IL1RAPL1: variants seen among roughly 807,000 people sequenced by gnomAD.
IL1RAPL1 encodes the protein interleukin-1 receptor accessory protein-like 1.
Under a neutral mutation model 48.4 loss-of-function variants are expected in IL1RAPL1, and 3 were observed. The ratio of observed to expected loss-of-function variants is 0.06; its 90% CI spans 0.03 to 0.16. IL1RAPL1 has a LOEUF of 0.16. Ranked by LOEUF, IL1RAPL1 falls within the 10% of genes least tolerant of loss-of-function variation. IL1RAPL1 has a pLI of 1.00. For synonymous variants in IL1RAPL1, 185 were observed against 187.7 expected, an observed-to-expected ratio of 0.99 and a Z score of 0.12; for missense variants, 349 against 530.6, an observed-to-expected ratio of 0.66 and a Z score of 3.36.
chrX:29,555,119 C>T (rs1023320183), intron 5 of IL1RAPL1, among the ~76,000 whole-genome samples: 1 of 112,489 alleles, frequency 8.9e-6, no homozygotes, highest in African/African-American at 3.2e-5. Flanking sequence ...ACAGCTTTTC[C>T]CATTAATTCA....
intron 3 of IL1RAPL1, among the ~76,000 whole-genome samples, chrX:29,323,734 TATATATA>T (rs1932822894): frequency 1.2e-4 from 1 of 8,296 alleles, no homozygotes; most frequent in Non-Finnish European, 2.0e-4. Flanking sequence ...TATATATATA[TATATATA>T]TATATATATA....
chrX:29,929,261 TA>T (rs200405840), intron 8 of IL1RAPL1, among the ~76,000 whole-genome samples: 7 of 110,186 alleles, frequency 6.4e-5, no homozygotes, highest in East Asian at 2.8e-4. Flanking sequence ...TGAACTGTGA[TA>T]AAAAAAAATG....
intron 1 of IL1RAPL1, among the ~76,000 whole-genome samples, chrX:28,690,664 A>G (rs148859025): frequency 0.011 from 1,203 of 111,542 alleles, 8 homozygotes; most frequent in Non-Finnish European, 0.017. Context: ...CAGCATGTCA[A>G]GGTGGCAACA....
At chrX:29,439,405 C>T (rs1385433489) in intron 5 of IL1RAPL1, among the ~76,000 whole-genome samples, 1 of 111,766 alleles carries the variant, frequency 8.9e-6, no homozygotes, top group Non-Finnish European at 1.9e-5. Context: ...TACCTGTATT[C>T]CATTGTCCAA....
chrX:29,279,750 A>G (rs1047436370), intron 2 of IL1RAPL1, among the ~76,000 whole-genome samples: 1 of 112,040 alleles, frequency 8.9e-6, no homozygotes, highest in African/African-American at 3.2e-5. Context: ...GAATAAGAGT[A>G]ATTTTCAGGA....
chrX:29,545,333 T>A (rs951513069), intron 5 of IL1RAPL1, among the ~76,000 whole-genome samples: 4 of 111,225 alleles, frequency 3.6e-5, no homozygotes, highest in Admixed American at 9.6e-5. Flanking sequence ...CAGTGTATAG[T>A]TTGTTATTAT....
intron 5 of IL1RAPL1, among the ~76,000 whole-genome samples, chrX:29,505,008 T>C (rs887666222): frequency 3.6e-5 from 4 of 111,642 alleles, no homozygotes; most frequent in African/African-American, 1.3e-4. Context: ...TATTATTGGT[T>C]TTTGCTTTAT....
chrX:29,647,505 A>G (rs1252031794), intron 5 of IL1RAPL1, among the ~76,000 whole-genome samples: 2 of 111,952 alleles, frequency 1.8e-5, no homozygotes, highest in Non-Finnish European at 3.8e-5. Context: ...TGTGACATCA[A>G]AAATTCAAAA....
At chrX:29,078,237 A>T (rs1406527131) in intron 2 of IL1RAPL1, among the ~76,000 whole-genome samples, 1 of 111,552 alleles carries the variant, frequency 9.0e-6, no homozygotes, top group African/African-American at 3.3e-5. Flanking sequence ...GTGCCATTGC[A>T]CTCCTTTGCA....
At chrX:29,680,492 G>A (rs991365966) in intron 6 of IL1RAPL1, among the ~76,000 whole-genome samples, 4 of 110,772 alleles carry the variant, frequency 3.6e-5, no homozygotes, top group African/African-American at 1.3e-4. Flanking sequence ...GCTGTTGTGT[G>A]TCTCTCTCTC....
intron 2 of IL1RAPL1, among the ~76,000 whole-genome samples, chrX:28,988,660 A>G (rs111339365): frequency 1.8e-5 from 2 of 112,209 alleles, no homozygotes; most frequent in African/African-American, 6.5e-5. Flanking sequence ...GATGAGCTGT[A>G]TTTTTAGTCA....
chrX:29,335,818 C>T (rs1261049354), intron 3 of IL1RAPL1, among the ~76,000 whole-genome samples: 5 of 111,301 alleles, frequency 4.5e-5, no homozygotes, highest in African/African-American at 1.3e-4. Flanking sequence ...TTTGAAAGCA[C>T]ATTTAAATGA....
intron 1 of IL1RAPL1, among the ~76,000 whole-genome samples, chrX:28,771,962 AAAAAG>A (rs1272210874): frequency 2.8e-5 from 3 of 108,884 alleles, no homozygotes; most frequent in African/African-American, 1.0e-4. Context: ...AAAAAAAAGA[AAAAAG>A]AAAATTGCTA....
At chrX:29,023,442 G>C (rs1926415357) in intron 2 of IL1RAPL1, among the ~76,000 whole-genome samples, 1 of 112,476 alleles carries the variant, frequency 8.9e-6, no homozygotes, top group Non-Finnish European at 1.9e-5. Context: ...TTAGTCTAAA[G>C]AGAACATACC....
intron 1 of IL1RAPL1, among the ~76,000 whole-genome samples, chrX:28,753,256 T>C (rs1207069606): frequency 8.9e-6 from 1 of 112,373 alleles, no homozygotes. Context: ...CTATGGATAT[T>C]ATGTAAAGAA....
At position 29,930,028 on chromosome X, in the gene IL1RAPL1, G is replaced by A. The variant is rs149179527; in HGVS notation, c.1057+9934G>A. Among the ~76,000 whole-genome samples, 642 of 111,849 alleles carry A rather than the reference G, an allele frequency of 5.7e-3. 5 individuals are homozygous for A. Among genetic ancestry groups the A allele is most frequent in the African/African-American group, 0.02 (606 of 30,880 alleles). ...CAATTCAGCAGTCACATAAAAGTTG[G>A]CAGTATTAAAATACATTTTCTTCTG... On this transcript the variant is annotated intron_variant, in intron 8 of 10. Coordinates refer to ENST00000378993, the MANE Select transcript of IL1RAPL1 (RefSeq NM_014271.4).
chrX:28,947,216 G>A (rs747053322), intron 2 of IL1RAPL1, among the ~76,000 whole-genome samples: 18 of 111,734 alleles, frequency 1.6e-4, no homozygotes, highest in Non-Finnish European at 3.0e-4. Flanking sequence ...GTATGTACAT[G>A]TGTATGTTTG....
At chrX:29,863,095 A>T (rs952548045) in intron 6 of IL1RAPL1, among the ~76,000 whole-genome samples, 1 of 111,239 alleles carries the variant, frequency 9.0e-6, no homozygotes, top group East Asian at 2.8e-4. Context: ...TTAATGATAT[A>T]TAATGTGAAT....
At chrX:28,904,919 G>A (rs1008483200) in intron 2 of IL1RAPL1, among the ~76,000 whole-genome samples, 13 of 111,339 alleles carry the variant, frequency 1.2e-4, no homozygotes, top group Admixed American at 9.6e-4. Flanking sequence ...ATCATATATC[G>A]TAACTTAGAG....
Sources: gnomAD v4.1 joint callset for allele counts (sites outside exome capture counted in the v4.1 genomes callset) on GRCh38, gnomAD v4.1.1 for gene constraint, MANE v1.5 for transcripts, NCBI Gene and HGNC (gene_info 2026-07-23, HGNC 2026-07-21) for gene names.